The following ROR2 variants were observed in gnomAD, a reference collection of about 807,000 sequenced individuals.
ROR2 encodes the protein tyrosine-protein kinase transmembrane receptor ROR2.
A neutral mutation model predicts 74.9 loss-of-function variants in ROR2; 33 were observed. The ratio of observed to expected loss-of-function variants is 0.44; its 90% CI spans 0.33 to 0.59. The LOEUF (loss-of-function observed/expected upper bound fraction) is 0.59. Ranked by LOEUF, ROR2 falls within the 20% of genes least tolerant of loss-of-function variation. The pLI is 0.02. For synonymous variants in ROR2, 586 were observed against 558.7 expected, an observed-to-expected ratio of 1.05 and a Z score of -0.69; for missense variants, 1,216 against 1,313.8, an observed-to-expected ratio of 0.93 and a Z score of 1.15.
intron 1 of ROR2, among the ~76,000 whole-genome samples, chr9:91,809,501 G>A (rs1563974762): frequency 6.6e-6 from 1 of 152,180 alleles, no homozygotes. Flanking sequence ...AGTTCTCTCC[G>A]CACAGCTCTT....
At chr9:91,939,578 A>G (rs938578936) in intron 1 of ROR2, among the ~76,000 whole-genome samples, 2 of 151,830 alleles carry the variant, frequency 1.3e-5, no homozygotes, top group African/African-American at 4.8e-5. Context: ...ATTCTTTTAC[A>G]TACTCTGGAT....
In ROR2 at chr9:91,793,492, A is replaced by C. The variant is rs570455227; in HGVS notation, c.98-17674T>G. ...GAACAGCTCTGTTCATTAATGAGAA[A>C]AAAGACTATAGAAAACCAAAAGCAC... On this transcript the variant is annotated intron_variant, in intron 1 of 8. Transcript: ENST00000375708. Among the ~76,000 whole-genome samples the C allele has an allele frequency of 3.9e-5, 6 of 152,286 alleles. No homozygotes were observed. In the South Asian group the frequency reaches 1.2e-3, roughly 32 times the overall value.
intron 2 of ROR2, among the ~76,000 whole-genome samples, chr9:91,764,991 T>G (rs1239729708): frequency 1.3e-5 from 2 of 152,232 alleles, no homozygotes; most frequent in Non-Finnish European, 2.9e-5. Context: ...TCTTTGCCAT[T>G]CCAAATTGTC....
chr9:91,733,360 G>A lies in ROR2; in HGVS notation c.699C>T (p.His233=). Residue 233 remains histidine, a synonymous_variant, in exon 6 of 9, where the codon CAC becomes CAT. Coordinates refer to ENST00000375708, the MANE Select transcript of ROR2 (RefSeq NM_004560.4). This position sits in a 1 kb window ranked among gnomAD's most constrained non-coding sequence, Gnocchi z 5.7. ...CSQFAIPSFC[H]FVFPLCDARS... is the part of the protein sequence containing the mutation. ...GCGCGTCGCACAGAGGAAACACGAA[G>A]TGGCAGAAGGATGGGATGGCGAACT... 2 of 1,612,356 alleles carry A rather than the reference G, an allele frequency of 1.2e-6. No individual in the cohort carries two copies. Among genetic ancestry groups the A allele is most frequent in the South Asian group, 2.2e-5 (2 of 91,026 alleles).
chr9:91,804,500 G>A (rs544775150), intron 1 of ROR2, among the ~76,000 whole-genome samples: 1 of 152,202 alleles, frequency 6.6e-6, no homozygotes, highest in African/African-American at 2.4e-5. Flanking sequence ...CACCCCTGCG[G>A]CCGTCCTTGG....
intron 1 of ROR2, among the ~76,000 whole-genome samples, chr9:91,896,933 C>T (rs562905877): frequency 6.6e-6 from 1 of 152,348 alleles, no homozygotes; most frequent in African/African-American, 2.4e-5. Flanking sequence ...CCACCGCCCT[C>T]GGCTGCTCTC....
At chr9:91,769,367 AC>A (rs1826156531) in intron 2 of ROR2, among the ~76,000 whole-genome samples, 1 of 151,964 alleles carries the variant, frequency 6.6e-6, no homozygotes, top group Non-Finnish European at 1.5e-5. Flanking sequence ...CATGGAGCCC[AC>A]CCTGGCCTCC....
At chr9:91,947,711 C>T (rs1013546731) in intron 1 of ROR2, among the ~76,000 whole-genome samples, 1 of 152,150 alleles carries the variant, frequency 6.6e-6, no homozygotes, top group Non-Finnish European at 1.5e-5. Context: ...TCAGAGGAAA[C>T]AGAGTCTTGC....
intron 7 of ROR2, 151 bp downstream of exon 7, chr9:91,730,759 G>C (rs1033794327): frequency 3.3e-5 from 36 of 1,105,650 alleles, no homozygotes; most frequent in Non-Finnish European, 4.6e-5. Context: ...TGGCCCAACA[G>C]CTTTATTTAA....
chr9:91,909,484 C>T (rs1477871011), intron 1 of ROR2, among the ~76,000 whole-genome samples: 1 of 151,800 alleles, frequency 6.6e-6, no homozygotes, highest in African/African-American at 2.4e-5. Context: ...GTAGCTGGCA[C>T]CACAGGCATG....
intron 4 of ROR2, among the ~76,000 whole-genome samples, chr9:91,740,324 G>A (rs1425055594): frequency 6.6e-6 from 1 of 152,074 alleles, no homozygotes; most frequent in African/African-American, 2.4e-5. Flanking sequence ...CAAGGTGGGA[G>A]GATCACAAGG....
At chr9:91,729,655 C>T (rs980551022) in intron 7 of ROR2, among the ~76,000 whole-genome samples, 1 of 152,184 alleles carries the variant, frequency 6.6e-6, no homozygotes, top group Admixed American at 6.5e-5. Context: ...CACTCATTCA[C>T]CAATTGCTGC....
At chr9:91,768,102 A>C (rs993984908) in intron 2 of ROR2, among the ~76,000 whole-genome samples, 4 of 152,024 alleles carry the variant, frequency 2.6e-5, no homozygotes, top group African/African-American at 2.4e-5. Context: ...ATGGGCACCA[A>C]GGGTTGCCAG....
intron 5 of ROR2, among the ~76,000 whole-genome samples, chr9:91,736,662 A>C (rs1323924052): frequency 6.6e-6 from 1 of 152,068 alleles, no homozygotes; most frequent in Non-Finnish European, 1.5e-5. Flanking sequence ...TGTCTAATTA[A>C]TTTTCTTCCT....
intron 1 of ROR2, among the ~76,000 whole-genome samples, chr9:91,853,621 A>G (rs7031514): frequency 0.12 from 17,816 of 152,084 alleles, 2,293 homozygotes; most frequent in African/African-American, 0.32. Flanking sequence ...TCCTGAGACC[A>G]AGGGCTACCT....
Position 91,829,549 on chromosome 9 carries a change from C to CAAAAAA in ROR2, c.98-53737_98-53732dup, listed in dbSNP as rs34687056. On this transcript the variant is annotated intron_variant, in intron 1 of 8. Transcript: ENST00000375708. ...TGGGTGACACAGCGAGACTCCGTCT[C>CAAAAAA]AAAAAAAAAAAAAAAAAAAAAAAAG... Among the ~76,000 whole-genome samples, 88 of 40,500 alleles carry CAAAAAA rather than the reference C, an allele frequency of 2.2e-3. 14 individuals are homozygous for CAAAAAA. The highest frequency in any genetic ancestry group is 6.9e-3 in the African/African-American group (70 of 10,188). The allele number at this position is 40,500 out of a possible 152,430, so 26.6% of individuals were successfully genotyped here.
intron 2 of ROR2, among the ~76,000 whole-genome samples, chr9:91,758,359 T>C (rs1825822545): frequency 6.6e-6 from 1 of 152,202 alleles, no homozygotes; most frequent in Admixed American, 6.5e-5. Flanking sequence ...GTCAAAATGA[T>C]GTAAATTCAC....
intron 1 of ROR2, among the ~76,000 whole-genome samples, chr9:91,850,625 G>C (rs541819011): frequency 3.9e-5 from 6 of 152,224 alleles, no homozygotes; most frequent in African/African-American, 1.2e-4. Flanking sequence ...ACCCACCCAG[G>C]CTAGACTTCT....
chr9:91,732,832 A>T (rs1159820767), intron 6 of ROR2, among the ~76,000 whole-genome samples: 2 of 152,200 alleles, frequency 1.3e-5, no homozygotes, highest in Admixed American at 6.5e-5. Flanking sequence ...AGAGAAGGGA[A>T]ATCCCAGGCT....
Sources: gnomAD v4.1 joint callset for allele counts (sites outside exome capture counted in the v4.1 genomes callset) on GRCh38, gnomAD v4.1.1 for gene constraint, Gnocchi (gnomAD v3.1) non-coding constraint, MANE v1.5 for transcripts, NCBI Gene and HGNC (gene_info 2026-07-23, HGNC 2026-07-21) for gene names.